Variants in FTO observed in about 807,000 individuals in gnomAD.
FTO encodes the protein alpha-ketoglutarate-dependent dioxygenase FTO.
A neutral mutation model predicts 63.9 loss-of-function variants in FTO; 47 were observed. That is an observed-to-expected ratio of 0.74 (90% confidence interval 0.58 to 0.94). The LOEUF is 0.94. FTO is among the 40% of genes least tolerant of loss of function. The pLI, the probability that FTO is intolerant of heterozygous loss-of-function variation, is 0.00. For synonymous variants in FTO, 207 were observed against 224.4 expected (o/e 0.92, Z 0.69); for missense variants, 562 against 618.1 (o/e 0.91, Z 0.96).
At chr16:53,770,230 G>A (rs1375511878) in intron 1 of FTO, among the ~76,000 whole-genome samples, 2 of 152,140 alleles carry the variant, frequency 1.3e-5, no homozygotes, top group East Asian at 3.8e-4. Context: ...GGAAAAAAAT[G>A]TAATTTCTTC....
In FTO at chr16:53,965,075, C is replaced by T. The variant is rs180755595; in HGVS notation, c.1364+30966C>T. ...TCCATTCCTGTAGTGATGAACCCCCCGCCCTTTTTTTGTTTTGAGATGGAG... is the reference window on the plus strand; with the variant it reads ...TCCATTCCTGTAGTGATGAACCCCCTGCCCTTTTTTTGTTTTGAGATGGAG... On this transcript the variant is annotated intron_variant, in intron 8 of 8. Transcript: ENST00000471389. Among the ~76,000 whole-genome samples the T allele has an allele frequency of 2.2e-4, 33 of 152,158 alleles. No individual in the cohort carries two copies. In the East Asian group the frequency reaches 4.3e-3, roughly 20 times the overall value.
intron 1 of FTO, among the ~76,000 whole-genome samples, chr16:53,721,242 C>T (rs918831821): frequency 1.3e-5 from 2 of 152,170 alleles, no homozygotes; most frequent in African/African-American, 4.8e-5. Context: ...ACATGCGTAA[C>T]TTGAGGATGT....
At chr16:53,796,311 C>T (rs964139937) in intron 1 of FTO, among the ~76,000 whole-genome samples, 2 of 151,914 alleles carry the variant, frequency 1.3e-5, no homozygotes, top group South Asian at 2.1e-4. Context: ...CCCAAAGTGC[C>T]GGGACTGTAG....
intron 1 of FTO, among the ~76,000 whole-genome samples, chr16:53,783,227 A>G (rs528740431): frequency 1.3e-5 from 2 of 152,172 alleles, no homozygotes; most frequent in Admixed American, 1.3e-4. Flanking sequence ...CACTCCTGTA[A>G]TCCCAGCACT....
At chr16:53,836,101 G>C (rs1239778894) in intron 3 of FTO, among the ~76,000 whole-genome samples, 2 of 152,108 alleles carry the variant, frequency 1.3e-5, no homozygotes, top group African/African-American at 4.8e-5. Context: ...ATATTGGCCA[G>C]GCTGGTCTCG....
chr16:53,917,589 G>C (rs544394225), intron 7 of FTO, among the ~76,000 whole-genome samples: 4 of 151,760 alleles, frequency 2.6e-5, no homozygotes, highest in Admixed American at 6.6e-5. Flanking sequence ...ATGTGTTTTA[G>C]GTAGTCATTG....
intron 4 of FTO, among the ~76,000 whole-genome samples, chr16:53,846,225 G>A (rs986774550): frequency 6.6e-6 from 1 of 152,046 alleles, no homozygotes; most frequent in Non-Finnish European, 1.5e-5. Flanking sequence ...CAGTGTTAAG[G>A]TTCTCTCTTC....
intron 8 of FTO, among the ~76,000 whole-genome samples, chr16:53,938,219 G>T (rs2082437585): frequency 6.6e-6 from 1 of 152,148 alleles, no homozygotes; most frequent in South Asian, 2.1e-4. Context: ...CTACAACCTG[G>T]CAGTTTTTCT....
At chr16:53,768,352 A>C (rs1175584937) in intron 1 of FTO, among the ~76,000 whole-genome samples, 5 of 152,220 alleles carry the variant, frequency 3.3e-5, no homozygotes, top group Admixed American at 1.3e-4. Flanking sequence ...AGAGATAATA[A>C]ATGTTAACAT....
At chr16:53,801,400 A>G (rs2078218756) in intron 1 of FTO, among the ~76,000 whole-genome samples, 1 of 151,760 alleles carries the variant, frequency 6.6e-6, no homozygotes, top group African/African-American at 2.4e-5. Context: ...CATACATTTT[A>G]TTTCTACATA....
At chr16:53,841,268 G>A (rs1263502711) in intron 3 of FTO, among the ~76,000 whole-genome samples, 3 of 151,368 alleles carry the variant, frequency 2.0e-5, no homozygotes, top group African/African-American at 4.9e-5. Context: ...TGATATAAAG[G>A]TATTTATCAT....
chr16:53,930,221 CTTTTT>C (rs1014205147), intron 7 of FTO, among the ~76,000 whole-genome samples: 5 of 75,700 alleles, frequency 6.6e-5, no homozygotes, highest in Non-Finnish European at 1.3e-4. Context: ...TGATTATCTT[CTTTTT>C]TTTTTTTTTT....
intron 8 of FTO, among the ~76,000 whole-genome samples, chr16:54,007,462 G>T (rs1470173014): frequency 6.6e-6 from 1 of 152,040 alleles, no homozygotes; most frequent in Non-Finnish European, 1.5e-5. Flanking sequence ...TCCCTGTTTG[G>T]CTCTTTTGTA....
chr16:54,004,417 TAAATGTC>T (rs1262285164), intron 8 of FTO, among the ~76,000 whole-genome samples: 21 of 151,798 alleles, frequency 1.4e-4, no homozygotes, highest in African/African-American at 4.8e-4. Context: ...AATAAATAAA[TAAATGTC>T]GTGGTTTTTT....
chr16:53,820,480 C>CT (rs61060863), intron 2 of FTO, among the ~76,000 whole-genome samples: 10,413 of 146,098 alleles, frequency 0.071, 560 homozygotes, highest in East Asian at 0.31. Context: ...GAAAGGTTTC[C>CT]TTTTTTTTTT....
Position 54,115,438 on chromosome 16 carries a change from C to A in FTO, c.*3523C>A, listed in dbSNP as rs1397797472. 1 of 152,244 alleles carries A rather than the reference C, an allele frequency of 6.6e-6. No individual in the cohort carries two copies. The highest frequency in any genetic ancestry group is 1.5e-5 in the Non-Finnish European group (1 of 68,132). 9.4% of individuals were successfully genotyped at this position (152,244 alleles called of 1,614,324 possible). ...GGGAAATAGACAGTAAGCAGCAAAT[C>A]AATAACAAGAGTGTTCCAGATGGTT... On this transcript the variant is annotated 3_prime_UTR_variant, in exon 9 of 9. Coordinates refer to ENST00000471389, the MANE Select transcript of FTO (RefSeq NM_001080432.3).
chr16:53,993,859 G>A (rs2083871452), intron 8 of FTO: 1 of 152,160 alleles, frequency 6.6e-6, no homozygotes, highest in South Asian at 2.1e-4. Flanking sequence ...ATAATTGTAG[G>A]ATTTACGGGA....
intron 5 of FTO, among the ~76,000 whole-genome samples, chr16:53,877,554 T>G (rs1384930120): frequency 6.6e-6 from 1 of 152,180 alleles, no homozygotes; most frequent in East Asian, 1.9e-4. Flanking sequence ...AGAAATCAGT[T>G]GGGGTTGGGG....
chr16:54,056,933 A>G (rs1364675580), intron 8 of FTO, among the ~76,000 whole-genome samples: 1 of 152,236 alleles, frequency 6.6e-6, no homozygotes, highest in Non-Finnish European at 1.5e-5. Flanking sequence ...TTATTTATTC[A>G]TTCAGTAGGC....
Sources: gnomAD v4.1 joint callset for allele counts (sites outside exome capture counted in the v4.1 genomes callset) on GRCh38, gnomAD v4.1.1 for gene constraint, MANE v1.5 for transcripts, NCBI Gene and HGNC (gene_info 2026-07-23, HGNC 2026-07-21) for gene names.